SORBS2: variants seen among roughly 807,000 people sequenced by gnomAD.
SORBS2 encodes the protein sorbin and SH3 domain containing 2, also known as sorbin and SH3 domain-containing protein 2.
A neutral mutation model predicts 97.7 loss-of-function variants in SORBS2; 46 were observed. The observed-to-expected ratio is 0.47, with a 90% CI of 0.37 to 0.60. The LOEUF is 0.60. SORBS2 is among the 20% of genes least tolerant of loss of function. The pLI is 0.00. For missense variants in SORBS2, 1,316 were observed against 1,282.3 expected, an observed-to-expected ratio of 1.03 and a Z score of -0.40; for synonymous variants, 476 against 473.4, an observed-to-expected ratio of 1.01 and a Z score of -0.07.
intron 1 of SORBS2, among the ~76,000 whole-genome samples, chr4:185,806,532 A>C (rs11132353): frequency 0.56 from 75,580 of 134,506 alleles, 21,571 homozygotes; most frequent in East Asian, 0.68. Context: ...ATCTCGGCTC[A>C]CTGCAAGCTC....
At chr4:185,916,671 G>A (rs1402210142) in intron 1 of SORBS2, among the ~76,000 whole-genome samples, 6 of 152,176 alleles carry the variant, frequency 3.9e-5, no homozygotes, top group Admixed American at 3.3e-4. Flanking sequence ...CATTTTCTGT[G>A]TCTGGAGACA....
intron 1 of SORBS2, among the ~76,000 whole-genome samples, chr4:185,878,349 CTTAT>C (rs2099234844): frequency 6.6e-6 from 1 of 152,160 alleles, no homozygotes; most frequent in African/African-American, 2.4e-5. Flanking sequence ...ACTATAAAAT[CTTAT>C]TTAAAGACCT....
At chr4:185,747,765 C>T (rs928237454) in intron 2 of SORBS2, among the ~76,000 whole-genome samples, 4 of 152,008 alleles carry the variant, frequency 2.6e-5, no homozygotes, top group Admixed American at 6.5e-5. Context: ...TTTGGGAGGT[C>T]GAAGTGGGCA....
chr4:185,838,441 G>T (rs940279913), intron 1 of SORBS2, among the ~76,000 whole-genome samples: 1 of 152,224 alleles, frequency 6.6e-6, no homozygotes, highest in African/African-American at 2.4e-5. Flanking sequence ...CCCAAGGGCT[G>T]TCTGGGGGGC....
intron 1 of SORBS2, among the ~76,000 whole-genome samples, chr4:185,935,630 G>A (rs1316765693): frequency 6.6e-6 from 1 of 152,156 alleles, no homozygotes; most frequent in Non-Finnish European, 1.5e-5. Flanking sequence ...ACTTTAACTA[G>A]GGTATTGATA....
At chr4:185,896,488 G>A (rs2099245107) in intron 1 of SORBS2, among the ~76,000 whole-genome samples, 1 of 152,196 alleles carries the variant, frequency 6.6e-6, no homozygotes, top group South Asian at 2.1e-4. Flanking sequence ...GGAGGCTGAG[G>A]CAGGAGAATC....
At chr4:185,741,002 C>T (rs1010408025) in intron 2 of SORBS2, among the ~76,000 whole-genome samples, 3 of 152,004 alleles carry the variant, frequency 2.0e-5, no homozygotes, top group Non-Finnish European at 4.4e-5. Flanking sequence ...CTCGGACCAG[C>T]ACCAACTCAA....
At position 185,589,661 on chromosome 4, in the gene SORBS2, A is replaced by C. The variant is rs778485343; in HGVS notation, c.2953+18T>G. 32 of 1,466,526 alleles carry C rather than the reference A, an allele frequency of 2.2e-5. No individual in the cohort carries two copies. The highest frequency in any genetic ancestry group is 3.0e-5 in the Non-Finnish European group (31 of 1,046,024). The allele number at this position is 1,466,526 out of a possible 1,614,324, so 90.8% of individuals were successfully genotyped here. The stretch of plus-strand genomic sequence containing the variant: ...ATTACAAAATAGCCGAAGGTGCCTG[A>C]GGAAGAAGCGCACATACCCACAAAC... On this transcript the variant is annotated intron_variant, in intron 14 of 14. Coordinates refer to ENST00000418609, the Ensembl canonical transcript of SORBS2.
intron 1 of SORBS2, among the ~76,000 whole-genome samples, chr4:185,655,261 C>T (rs1328161209): frequency 1.3e-5 from 2 of 152,174 alleles, no homozygotes. Flanking sequence ...ATTCTGTTTC[C>T]TCGGCATAGG....
At chr4:185,909,723 TA>T (rs2099253809) in intron 1 of SORBS2, among the ~76,000 whole-genome samples, 1 of 152,184 alleles carries the variant, frequency 6.6e-6, no homozygotes, top group Non-Finnish European at 1.5e-5. Flanking sequence ...TCAAGAACTC[TA>T]AACTAGGAAA....
rs905305194 is a variant in SORBS2, at chr4:185,724,747, G to A, written c.-197-45925C>T. 1.3e-4 allele frequency among the ~76,000 whole-genome samples: 20 copies of A among 152,116 alleles called. No individual in the cohort carries two copies. The East Asian group carries it at 2.3e-3, about 18-fold the overall frequency. ...GCTCTCCCTGGAATCCACCATGGACGCTCATGCTGTTTCCCGAATCTGGAT... is the reference window on the plus strand; with the variant it reads ...GCTCTCCCTGGAATCCACCATGGACACTCATGCTGTTTCCCGAATCTGGAT... On this transcript the variant is annotated intron_variant, in intron 2 of 20. Coordinates refer to the SORBS2 transcript ENST00000284776.
At chr4:185,856,866 C>A (rs1350193747) in intron 1 of SORBS2, among the ~76,000 whole-genome samples, 1 of 152,152 alleles carries the variant, frequency 6.6e-6, no homozygotes, top group East Asian at 1.9e-4. Flanking sequence ...CACAAGGTGG[C>A]AGGAGAGAGC....
chr4:185,697,724 C>T (rs557624287), intron 2 of SORBS2, among the ~76,000 whole-genome samples: 6 of 152,222 alleles, frequency 3.9e-5, no homozygotes, highest in Admixed American at 2.6e-4. Context: ...AGAGTGATAA[C>T]ATCCTGATGG....
intron 1 of SORBS2, among the ~76,000 whole-genome samples, chr4:185,938,128 G>C (rs10024968): frequency 2.0e-5 from 3 of 149,698 alleles, no homozygotes; most frequent in African/African-American, 7.4e-5. Context: ...CCTGTGAGTA[G>C]CTGGGATTAC....
At chr4:185,898,604 C>T (rs2099246096) in intron 1 of SORBS2, among the ~76,000 whole-genome samples, 1 of 152,088 alleles carries the variant, frequency 6.6e-6, no homozygotes, top group African/African-American at 2.4e-5. Context: ...ACTACCAAAA[C>T]GCAAATGAAA....
chr4:185,830,386 C>T (rs1017589494), intron 1 of SORBS2, among the ~76,000 whole-genome samples: 3 of 152,212 alleles, frequency 2.0e-5, no homozygotes, highest in Non-Finnish European at 4.4e-5. Flanking sequence ...TGGGTCAGCA[C>T]ATTTTTGCCA....
At chr4:185,919,064 T>G (rs1007591219) in intron 1 of SORBS2, among the ~76,000 whole-genome samples, 3 of 152,214 alleles carry the variant, frequency 2.0e-5, no homozygotes, top group African/African-American at 4.8e-5. Context: ...CATAGCTCTC[T>G]TAGAACAAGG....
intron 1 of SORBS2, among the ~76,000 whole-genome samples, chr4:185,868,008 C>T (rs917822892): frequency 2.0e-4 from 31 of 152,036 alleles, no homozygotes; most frequent in African/African-American, 5.3e-4. Context: ...TCCCTTCCTT[C>T]GGGACATTCC....
At chr4:185,667,699 T>TA (rs11459380) in intron 4 of SORBS2, among the ~76,000 whole-genome samples, 6 of 398 alleles carry the variant, frequency 0.015, no homozygotes, top group Non-Finnish European at 0.014. Context: ...TATATATATA[T>TA]ATATATACGT....
Sources: gnomAD v4.1 joint callset for allele counts (sites outside exome capture counted in the v4.1 genomes callset) on GRCh38, gnomAD v4.1.1 for gene constraint, MANE v1.5 for transcripts, NCBI Gene and HGNC (gene_info 2026-07-23, HGNC 2026-07-21) for gene names.